The following SMCHD1 variants were observed in gnomAD, a reference collection of about 807,000 sequenced individuals.
SMCHD1 encodes the protein structural maintenance of chromosomes flexible hinge domain-containing protein 1.
In SMCHD1, 78 loss-of-function variants were observed where a neutral mutation model predicts 254.7. The observed-to-expected ratio is 0.31, with a 90% CI of 0.26 to 0.37. The LOEUF is 0.37. SMCHD1 is among the 10% of genes least tolerant of loss of function. The pLI is 1.00. For missense variants in SMCHD1, 1,840 were observed against 2,408.1 expected (o/e 0.76, Z 4.94); for synonymous variants, 766 against 794.9 (o/e 0.96, Z 0.61).
chr18:2,656,016 G>T lies in SMCHD1; in HGVS notation c.-60G>T, dbSNP rs2073042449. 8.1e-7 allele frequency: 1 copy of T among 1,232,742 alleles called. No individual in the cohort carries two copies. The highest frequency in any genetic ancestry group is 1.0e-6 in the Non-Finnish European group (1 of 982,058). The allele number at this position is 1,232,742 out of a possible 1,614,324, so 76.4% of individuals were successfully genotyped here. The stretch of plus-strand genomic sequence containing the variant: ...GAGCTGAAGGCGCCGCGCGGAGCGC[G>T]CACCTCAGCCCTGAGCCCGGCGGCG... On this transcript the variant is annotated 5_prime_UTR_variant, in exon 1 of 48. Coordinates refer to ENST00000320876, the MANE Select transcript of SMCHD1 (RefSeq NM_015295.3).
intron 44 of SMCHD1, among the ~76,000 whole-genome samples, chr18:2,782,565 C>T (rs117245894): frequency 0.018 from 2,707 of 151,136 alleles, 39 homozygotes; most frequent in Middle Eastern, 0.1. Flanking sequence ...CATAGTGAGA[C>T]GCCAACTCTA....
Position 2,697,914 on chromosome 18 carries a change from C to T in SMCHD1, c.1215C>T (p.Asn405=), listed in dbSNP as rs555869350. 1.2e-6 allele frequency: 2 copies of T among 1,613,614 alleles called. No individual in the cohort carries two copies. Among genetic ancestry groups the T allele is most frequent in the South Asian group, 2.2e-5 (2 of 91,080 alleles). The part of the protein sequence containing the change: ...IQDDMQTLYV[N]TAADSFEFKA... ...ACGACATGCAGACGTTGTATGTAAA[C>T]ACAGCAGCTGATAGTTTTGAATTCA... Residue 405 remains asparagine, a synonymous_variant, in exon 10 of 48, where the codon AAC becomes AAT. Coordinates refer to ENST00000320876, the MANE Select transcript of SMCHD1 (RefSeq NM_015295.3).
At chr18:2,722,797 T>A in intron 20 of SMCHD1, 134 bp downstream of exon 20, 1 of 740,062 alleles carries the variant, frequency 1.4e-6, no homozygotes, top group Non-Finnish European at 2.0e-6. Flanking sequence ...TTATTATATC[T>A]GGGTAATTTA....
chr18:2,696,996 G>T (rs1406397427), intron 8 of SMCHD1, 36 bp from the exon 9 acceptor site: 7 of 937,642 alleles, frequency 7.5e-6, no homozygotes, highest in Non-Finnish European at 1.1e-5. Context: ...AATTTTATGT[G>T]AATTAAAAGT....
At chr18:2,754,530 C>G (rs897277591) in intron 34 of SMCHD1, among the ~76,000 whole-genome samples, 2 of 152,180 alleles carry the variant, frequency 1.3e-5, no homozygotes, top group Non-Finnish European at 2.9e-5. Flanking sequence ...TGTTGTCAAC[C>G]AGGGAAGCTC....
chr18:2,750,717 A>G (rs1478186313), intron 32 of SMCHD1, among the ~76,000 whole-genome samples: 2 of 152,120 alleles, frequency 1.3e-5, no homozygotes, highest in African/African-American at 2.4e-5. Context: ...CTGTTTTCTT[A>G]AAAGGATGAA....
At position 2,655,925 on chromosome 18, in the gene SMCHD1, C is replaced by G; in HGVS notation, c.-151C>G. On this transcript the variant is annotated 5_prime_UTR_variant, in exon 1 of 48. Transcript: ENST00000320876. ...GGTGATCCTCGCGCCTGCCGCTGCTCGGCCGCCGCCGCTGACGAGGAGCTG... is the reference window on the plus strand; with the variant it reads ...GGTGATCCTCGCGCCTGCCGCTGCTGGGCCGCCGCCGCTGACGAGGAGCTG... 1 of 499,968 alleles carries G rather than the reference C, an allele frequency of 2.0e-6. No individual in the cohort carries two copies. Among genetic ancestry groups the G allele is most frequent in the Non-Finnish European group, 3.1e-6 (1 of 324,400 alleles). 31.0% of individuals were successfully genotyped at this position (499,968 alleles called of 1,614,324 possible).
chr18:2,784,442 T>G lies in SMCHD1; in HGVS notation c.5548-8T>G. The G allele has an allele frequency of 6.3e-7, 1 of 1,598,556 alleles. No homozygotes were observed. Among genetic ancestry groups the G allele is most frequent in the Non-Finnish European group, 8.5e-7 (1 of 1,173,582 alleles). On this transcript the variant is annotated splice_region_variant and splice_polypyrimidine_tract_variant and intron_variant, in intron 44 of 47. Coordinates refer to ENST00000320876, the MANE Select transcript of SMCHD1 (RefSeq NM_015295.3). ...GCTCACTACTTACTATTCACTTATT[T>G]ACAATAGGTTGTTAAAATTACACAC...
intron 14 of SMCHD1, 106 bp downstream of exon 14, chr18:2,705,913 A>T (rs890367483): frequency 1.2e-5 from 7 of 600,854 alleles, no homozygotes; most frequent in African/African-American, 9.4e-5. Flanking sequence ...CATTGGATAA[A>T]GTGGTTGTAG....
chr18:2,690,386 G>T (rs1332041835), intron 7 of SMCHD1, among the ~76,000 whole-genome samples: 1 of 152,138 alleles, frequency 6.6e-6, no homozygotes, highest in African/African-American at 2.4e-5. Context: ...AAGACATTGC[G>T]ATGAGTATCT....
chr18:2,671,508 C>T (rs186419419), intron 3 of SMCHD1, among the ~76,000 whole-genome samples: 297 of 151,844 alleles, frequency 2.0e-3, no homozygotes, highest in African/African-American at 7.0e-3. Context: ...AGTACATTCC[C>T]GGGTCTTTCC....
At chr18:2,665,446 G>A (rs1327682508) in intron 1 of SMCHD1, among the ~76,000 whole-genome samples, 1 of 151,866 alleles carries the variant, frequency 6.6e-6, no homozygotes, top group African/African-American at 2.4e-5. Context: ...TTGGCCTCCT[G>A]AGTAGCTGGG....
chr18:2,709,251 C>CACATATATATATATATATATATGTATAT (rs2074611862), intron 17 of SMCHD1, among the ~76,000 whole-genome samples: 3 of 95,166 alleles, frequency 3.2e-5, no homozygotes, highest in Non-Finnish European at 6.6e-5. Flanking sequence ...TATATATATA[C>CACATATATATATATATATATATGTATAT]ACACACACAT....
At chr18:2,778,133 T>C in intron 43 of SMCHD1, 36 bp from the exon 44 acceptor site, 3 of 1,464,680 alleles carry the variant, frequency 2.0e-6, no homozygotes, top group Non-Finnish European at 2.8e-6. Context: ...AAGGAAAATA[T>C]CATAATTTTC....
At chr18:2,738,138 T>C (rs1310413276) in intron 25 of SMCHD1, among the ~76,000 whole-genome samples, 1 of 152,230 alleles carries the variant, frequency 6.6e-6, no homozygotes, top group African/African-American at 2.4e-5. Context: ...GTGATACTTT[T>C]GTGGCAGAGC....
intron 17 of SMCHD1, among the ~76,000 whole-genome samples, chr18:2,712,526 T>G (rs546521383): frequency 4.6e-5 from 7 of 152,190 alleles, no homozygotes; most frequent in Non-Finnish European, 8.8e-5. Context: ...GAAACCCACA[T>G]AAACAGAGGC....
rs2076409882 is a variant in SMCHD1 at position 2,804,126 on chromosome 18, G to A, written c.*1574G>A. 6.6e-6 allele frequency: 1 copy of A among 152,102 alleles called. No homozygotes were observed. Among genetic ancestry groups the A allele is most frequent in the Non-Finnish European group, 1.5e-5 (1 of 67,992 alleles). 9.4% of individuals were successfully genotyped at this position (152,102 alleles called of 1,614,324 possible). On this transcript the variant is annotated 3_prime_UTR_variant, in exon 48 of 48. Transcript: ENST00000320876. ...ATTGATAGGTAAGAAAGGTTAAAGA[G>A]AAATGACTTTTTAGGAACTAGACTT...
intron 8 of SMCHD1, among the ~76,000 whole-genome samples, chr18:2,695,394 C>T (rs1370991596): frequency 6.6e-6 from 1 of 151,616 alleles, no homozygotes; most frequent in Non-Finnish European, 1.5e-5. Context: ...ACTGCAACCA[C>T]CACCTCCTGG....
intron 34 of SMCHD1, among the ~76,000 whole-genome samples, chr18:2,755,660 C>T (rs1376680532): frequency 5.3e-5 from 8 of 150,030 alleles, no homozygotes; most frequent in Middle Eastern, 3.5e-3. Context: ...CTCTGCCTCC[C>T]GGGTTCATGC....
Sources: gnomAD v4.1 joint callset for allele counts (sites outside exome capture counted in the v4.1 genomes callset) on GRCh38, gnomAD v4.1.1 for gene constraint, MANE v1.5 for transcripts, NCBI Gene and HGNC (gene_info 2026-07-23, HGNC 2026-07-21) for gene names.